The following KLHL4 variants were observed in gnomAD, a reference collection of about 807,000 sequenced individuals.
The protein encoded by KLHL4 is kelch like family member 4.
Under a neutral mutation model 45.8 loss-of-function variants are expected in KLHL4, and 17 were observed. That is an observed-to-expected ratio of 0.37 (90% confidence interval 0.25 to 0.56). KLHL4 has a LOEUF of 0.56. Ranked by LOEUF, KLHL4 falls within the 20% of genes least tolerant of loss-of-function variation. The pLI is 0.79. For missense variants in KLHL4, 544 were observed against 544.9 expected (o/e 1.00, Z 0.02); for synonymous variants, 224 against 189.9 (o/e 1.18, Z -1.47).
chrX:87,541,312 C>T (rs1462345451), intron 1 of KLHL4, among the ~76,000 whole-genome samples: 1 of 107,986 alleles, frequency 9.3e-6, no homozygotes, highest in South Asian at 4.2e-4. Flanking sequence ...TGGTGAAACC[C>T]GTCTCTACTA....
chrX:87,529,553 G>C (rs1452684055), intron 1 of KLHL4, among the ~76,000 whole-genome samples: 1 of 111,620 alleles, frequency 9.0e-6, no homozygotes, highest in Non-Finnish European at 1.9e-5. Context: ...TTCCCTAGGA[G>C]AGTATAGAGT....
chrX:87,630,898 G>T (rs1438790609), intron 6 of KLHL4, among the ~76,000 whole-genome samples: 2 of 111,660 alleles, frequency 1.8e-5, no homozygotes, highest in African/African-American at 6.5e-5. Context: ...CAAAGACATG[G>T]ACACACAAAG....
chrX:87,619,896 A>T (rs1303679754), intron 4 of KLHL4, among the ~76,000 whole-genome samples: 1 of 111,943 alleles, frequency 8.9e-6, no homozygotes, highest in Non-Finnish European at 1.9e-5. Context: ...ATAGTTTAAT[A>T]ATGCAAATAA....
chrX:87,551,589 A>AGAT (rs1931822488), intron 1 of KLHL4, among the ~76,000 whole-genome samples: 19 of 107,876 alleles, frequency 1.8e-4, no homozygotes, highest in African/African-American at 5.4e-4. Context: ...ATAGATAGGT[A>AGAT]GATAGATAGA....
intron 1 of KLHL4, among the ~76,000 whole-genome samples, chrX:87,530,512 T>C (rs780438838): frequency 2.1e-5 from 2 of 95,696 alleles, no homozygotes; most frequent in East Asian, 3.6e-4. Context: ...TGAGTGAGAA[T>C]ATGCGGTGTT....
At chrX:87,621,907 C>T (rs1372924924) in intron 4 of KLHL4, among the ~76,000 whole-genome samples, 5 of 111,409 alleles carry the variant, frequency 4.5e-5, no homozygotes, top group Middle Eastern at 4.6e-3. Flanking sequence ...TTGTCACATA[C>T]GGCAGCTGGG....
chrX:87,619,693 T>G (rs1922682438), intron 4 of KLHL4, among the ~76,000 whole-genome samples: 1 of 112,074 alleles, frequency 8.9e-6, no homozygotes, highest in Non-Finnish European at 1.9e-5. Context: ...TGAATTATTT[T>G]TGTTGCTCAA....
At chrX:87,540,001 T>G (rs1412042830) in intron 1 of KLHL4, among the ~76,000 whole-genome samples, 1 of 111,833 alleles carries the variant, frequency 8.9e-6, no homozygotes, top group Non-Finnish European at 1.9e-5. Context: ...GTGTAGGATA[T>G]TACAGTACTG....
chrX:87,594,260 T>C (rs1921765480), intron 1 of KLHL4, among the ~76,000 whole-genome samples: 1 of 111,864 alleles, frequency 8.9e-6, no homozygotes, highest in African/African-American at 3.2e-5. Flanking sequence ...ATAATATAAA[T>C]GTATGCATCC....
In KLHL4 at chrX:87,521,289, A is replaced by T. The variant is rs1409230518; in HGVS notation, c.422+2974A>T. On this transcript the variant is annotated intron_variant, in intron 1 of 10. Transcript: ENST00000373119. Reference sequence around the variant, plus strand: ...AGGTTTGCCTAGAAAAAATGAGCAGATGTTATTGTATATGTTGCTATCCAA... The same window carrying T: ...AGGTTTGCCTAGAAAAAATGAGCAGTTGTTATTGTATATGTTGCTATCCAA... Among the ~76,000 whole-genome samples the T allele has an allele frequency of 2.7e-5, 3 of 111,967 alleles. No homozygotes were observed. The Admixed American group carries it at 2.9e-4, about 11-fold the overall frequency.
chrX:87,649,990 T>G (rs1923756763), intron 9 of KLHL4, among the ~76,000 whole-genome samples: 1 of 111,371 alleles, frequency 9.0e-6, no homozygotes, highest in African/African-American at 3.3e-5. Context: ...TTTTTGCTAC[T>G]TTGGGTCTCT....
chrX:87,600,849 A>G (rs1274833621), intron 1 of KLHL4, among the ~76,000 whole-genome samples: 3 of 112,096 alleles, frequency 2.7e-5, no homozygotes, highest in Non-Finnish European at 5.6e-5. Context: ...AAGATTTGAT[A>G]GTGAAGAACA....
chrX:87,561,592 C>T (rs1932099475), intron 1 of KLHL4, among the ~76,000 whole-genome samples: 1 of 110,898 alleles, frequency 9.0e-6, no homozygotes, highest in South Asian at 3.8e-4. Context: ...ACTGTAGTTC[C>T]TGGGTAAGTC....
intron 1 of KLHL4, among the ~76,000 whole-genome samples, chrX:87,556,525 G>C (rs2147782390): frequency 1.0e-5 from 1 of 95,493 alleles, no homozygotes; most frequent in East Asian, 3.7e-4. Flanking sequence ...GGACTGTTGT[G>C]GGGTGGGGGA....
chrX:87,640,540 A>G (rs2147829565), intron 9 of KLHL4, among the ~76,000 whole-genome samples: 1 of 112,303 alleles, frequency 8.9e-6, no homozygotes, highest in South Asian at 3.7e-4. Context: ...TTTAACATCC[A>G]CAAGTCAATA....
chrX:87,660,127 C>A (rs1034972471), intron 9 of KLHL4, among the ~76,000 whole-genome samples: 2 of 111,361 alleles, frequency 1.8e-5, no homozygotes, highest in African/African-American at 6.5e-5. Flanking sequence ...AGGACAGATT[C>A]CACAAAAATT....
intron 3 of KLHL4, among the ~76,000 whole-genome samples, chrX:87,615,724 C>G (rs1351711464): frequency 9.0e-6 from 1 of 110,759 alleles, no homozygotes; most frequent in Non-Finnish European, 1.9e-5. Flanking sequence ...AAGCCTGTCA[C>G]AAAAGATCGC....
At chrX:87,650,263 A>T (rs1293169992) in intron 9 of KLHL4, among the ~76,000 whole-genome samples, 1 of 110,317 alleles carries the variant, frequency 9.1e-6, no homozygotes, top group Non-Finnish European at 1.9e-5. Context: ...ACTCGGCAAA[A>T]TTTTTTGTAA....
intron 8 of KLHL4, among the ~76,000 whole-genome samples, chrX:87,635,301 A>T (rs1251617748): frequency 1.8e-5 from 2 of 111,482 alleles, no homozygotes; most frequent in African/African-American, 6.5e-5. Flanking sequence ...TTATTCAATT[A>T]TGTTAAAATG....
Sources: gnomAD v4.1 joint callset for allele counts (sites outside exome capture counted in the v4.1 genomes callset) on GRCh38, gnomAD v4.1.1 for gene constraint, MANE v1.5 for transcripts, NCBI Gene and HGNC (gene_info 2026-07-23, HGNC 2026-07-21) for gene names.